ATRNL1: variants seen among roughly 807,000 people sequenced by gnomAD.
ATRNL1 encodes the protein attractin-like protein 1.
A neutral mutation model predicts 182.7 loss-of-function variants in ATRNL1; 95 were observed. The ratio of observed to expected loss-of-function variants is 0.52; its 90% CI spans 0.44 to 0.62. ATRNL1 has a LOEUF of 0.62. Ranked by LOEUF, ATRNL1 falls within the 20% of genes least tolerant of loss-of-function variation. The pLI is 0.00. For missense variants in ATRNL1, 1,471 were observed against 1,679.5 expected (o/e 0.88, Z 2.17); for synonymous variants, 576 against 568.3 (o/e 1.01, Z -0.19).
At chr10:115,899,068 A>T (rs1555113110) in intron 28 of ATRNL1, among the ~76,000 whole-genome samples, 11 of 151,422 alleles carry the variant, frequency 7.3e-5, no homozygotes, top group Non-Finnish European at 1.5e-5. Context: ...TTAACTCGTC[A>T]TTTACATTAG....
chr10:115,508,977 G>C (rs1351623161), intron 24 of ATRNL1, among the ~76,000 whole-genome samples: 1 of 151,992 alleles, frequency 6.6e-6, no homozygotes, highest in Non-Finnish European at 1.5e-5. Flanking sequence ...TCAAAAGACA[G>C]GATGACTTTC....
At chr10:115,207,680 C>G (rs1554894078) in intron 8 of ATRNL1, among the ~76,000 whole-genome samples, 1 of 151,936 alleles carries the variant, frequency 6.6e-6, no homozygotes, top group Non-Finnish European at 1.5e-5. Flanking sequence ...CCCTTGCCCC[C>G]CCACATTTTA....
intron 19 of ATRNL1, among the ~76,000 whole-genome samples, chr10:115,338,823 T>C (rs996865374): frequency 3.3e-5 from 5 of 152,204 alleles, no homozygotes; most frequent in African/African-American, 1.2e-4. Flanking sequence ...CCTGGAGATT[T>C]TTCCCCAATG....
chr10:115,908,051 G>T lies in ATRNL1; in HGVS notation c.4019-36607G>T, dbSNP rs1555114957. On this transcript the variant is annotated intron_variant, in intron 28 of 28. Transcript: ENST00000355044. ...AATTATTTCTAATTCTCATTTTTCT[G>T]ATTTGGTCATTTTGAGATCTACTTC... Among the ~76,000 whole-genome samples the T allele has an allele frequency of 3.3e-5, 5 of 152,076 alleles. 1 individual carries two copies. In the South Asian group the frequency reaches 6.2e-4, roughly 19 times the overall value.
chr10:115,409,918 G>GT lies in ATRNL1; in HGVS notation c.3269+15174dup, dbSNP rs578108330. On this transcript the variant is annotated intron_variant, in intron 20 of 28. Transcript: ENST00000355044. The stretch of plus-strand genomic sequence containing the variant: ...TCCTTCTATACCTAATTTATGGGGA[G>GT]TTTTTTTTATCATGGAGAGATGTTG... 2.0e-4 allele frequency among the ~76,000 whole-genome samples: 30 copies of GT among 152,056 alleles called. 1 individual carries two copies. The South Asian group carries it at 2.5e-3, about 13-fold the overall frequency.
At chr10:115,548,101 G>A (rs1225921338) in intron 25 of ATRNL1, among the ~76,000 whole-genome samples, 1 of 152,140 alleles carries the variant, frequency 6.6e-6, no homozygotes, top group East Asian at 1.9e-4. Context: ...TTGGTACTAC[G>A]ACTTAGTCCG....
At chr10:115,362,354 T>C (rs971286829) in intron 19 of ATRNL1, among the ~76,000 whole-genome samples, 5 of 152,170 alleles carry the variant, frequency 3.3e-5, no homozygotes, top group Admixed American at 6.5e-5. Context: ...AATTGACCAG[T>C]GAAAATTATG....
At chr10:115,629,563 C>T (rs1339439217) in intron 26 of ATRNL1, among the ~76,000 whole-genome samples, 1 of 152,076 alleles carries the variant, frequency 6.6e-6, no homozygotes, top group Non-Finnish European at 1.5e-5. Context: ...CTTCTCTCTT[C>T]CCAGTGAAAA....
At chr10:115,183,594 T>G (rs1847828679) in intron 8 of ATRNL1, among the ~76,000 whole-genome samples, 1 of 151,524 alleles carries the variant, frequency 6.6e-6, no homozygotes, top group African/African-American at 2.4e-5. Flanking sequence ...GTTGAAGAAA[T>G]GAATTATTTC....
intron 1 of ATRNL1, 145 bp downstream of exon 1, chr10:115,094,188 G>C (rs908227707): frequency 1.1e-6 from 1 of 891,148 alleles, no homozygotes; most frequent in Non-Finnish European, 1.5e-6. Flanking sequence ...GCGGGAGCGG[G>C]CGAGAGTGGG....
At chr10:115,314,246 G>T (rs1375089464) in intron 17 of ATRNL1, among the ~76,000 whole-genome samples, 1 of 151,988 alleles carries the variant, frequency 6.6e-6, no homozygotes, top group Non-Finnish European at 1.5e-5. Flanking sequence ...TCCTATGAAG[G>T]CATGAGATCC....
intron 26 of ATRNL1, among the ~76,000 whole-genome samples, chr10:115,563,640 A>G (rs1853895153): frequency 6.6e-6 from 1 of 152,214 alleles, no homozygotes; most frequent in South Asian, 2.1e-4. Flanking sequence ...GAACATAGTT[A>G]TAATGCTTTA....
At position 115,241,626 on chromosome 10, in the gene ATRNL1, A is replaced by T. The variant is rs782608494; in HGVS notation, c.1588A>T (p.Asn530Tyr). ...ATACCTTCATTCAGCTGTTCTTATC[A>T]ATGGAGCTATGCTTATTTTTGGAGG... ...ARYLHSAVLI[N>Y]GAMLIFGGNT... The change falls in exon 10 of 29, where the codon AAT becomes TAT. Residue 530 changes from asparagine to tyrosine, a missense_variant. Coordinates refer to ENST00000355044, the MANE Select transcript of ATRNL1 (RefSeq NM_207303.4). The T allele has an allele frequency of 6.2e-7, 1 of 1,612,358 alleles. No homozygotes were observed.
At chr10:115,138,156 C>T (rs1016227894) in intron 5 of ATRNL1, among the ~76,000 whole-genome samples, 1 of 152,224 alleles carries the variant, frequency 6.6e-6, no homozygotes, top group Non-Finnish European at 1.5e-5. Context: ...TGGTCTTGGG[C>T]AGCTCTGCTC....
chr10:115,399,176 T>G (rs1554956313), intron 20 of ATRNL1, among the ~76,000 whole-genome samples: 1 of 152,108 alleles, frequency 6.6e-6, no homozygotes, highest in African/African-American at 2.4e-5. Context: ...TTTTTTGTTG[T>G]GTCTCTGCCA....
intron 26 of ATRNL1, among the ~76,000 whole-genome samples, chr10:115,673,018 C>A (rs1409386216): frequency 6.6e-6 from 1 of 151,990 alleles, no homozygotes; most frequent in African/African-American, 2.4e-5. Flanking sequence ...CATCTTTTAT[C>A]GTACTGATTT....
chr10:115,646,036 T>TACACACACACACACAC (rs58679995), intron 26 of ATRNL1, among the ~76,000 whole-genome samples: 4,277 of 141,584 alleles, frequency 0.03, 88 homozygotes, highest in Non-Finnish European at 0.045. Context: ...TTTTAAAATT[T>TACACACACACACACAC]ACACACACAC....
At chr10:115,536,337 C>T (rs139973442) in intron 25 of ATRNL1, among the ~76,000 whole-genome samples, 1,771 of 152,286 alleles carry the variant, frequency 0.012, 28 homozygotes, top group African/African-American at 0.04. Flanking sequence ...CCCCCAGCCT[C>T]GCTGTTGCCT....
intron 27 of ATRNL1, among the ~76,000 whole-genome samples, chr10:115,745,183 G>T (rs1283800455): frequency 1.3e-5 from 2 of 151,880 alleles, no homozygotes; most frequent in African/African-American, 4.8e-5. Flanking sequence ...GAGTGCAGTG[G>T]CAAGATCTTG....
Sources: allele counts gnomAD v4.1 joint callset (sites outside exome capture counted in the v4.1 genomes callset), GRCh38; gene constraint gnomAD v4.1.1; transcripts MANE v1.5; gene names NCBI Gene and HGNC (gene_info 2026-07-23, HGNC 2026-07-21).